CLIP1: variants seen among roughly 807,000 people sequenced by gnomAD.
CLIP1 encodes CAP-Gly domain containing linker protein 1.
CLIP1 carries 66 observed loss-of-function variants against 161.6 expected under a neutral mutation model. That is an observed-to-expected ratio of 0.41 (90% CI 0.33 to 0.50). The LOEUF (loss-of-function observed/expected upper bound fraction) is 0.50. Among genes scored for constraint, CLIP1 ranks in the 20% least tolerant of loss-of-function variants. The pLI is 0.27. For synonymous variants in CLIP1, 598 were observed against 626.2 expected, an observed-to-expected ratio of 0.96 and a Z score of 0.67; for missense variants, 1,376 against 1,702.0, an observed-to-expected ratio of 0.81 and a Z score of 3.37.
chr12:122,370,238 G>C (rs546965730), intron 3 of CLIP1, among the ~76,000 whole-genome samples: 2 of 152,020 alleles, frequency 1.3e-5, no homozygotes, highest in East Asian at 1.9e-4. Context: ...AGTGAGAAAG[G>C]GGTGTGAGAA....
intron 9 of CLIP1, among the ~76,000 whole-genome samples, chr12:122,350,726 A>G (rs1455309574): frequency 2.0e-5 from 3 of 148,210 alleles, no homozygotes; most frequent in Admixed American, 6.9e-5. Context: ...AATTCCCACA[A>G]CTCCACATCT....
intron 14 of CLIP1, 80 bp from the exon 15 acceptor site, chr12:122,333,223 A>T: frequency 9.7e-7 from 1 of 1,026,698 alleles, no homozygotes; most frequent in Non-Finnish European, 1.4e-6. Context: ...TGCTCTGGTA[A>T]TATTTTCACA....
intron 12 of CLIP1, among the ~76,000 whole-genome samples, chr12:122,336,202 A>G (rs1394810385): frequency 1.3e-5 from 2 of 152,210 alleles, no homozygotes; most frequent in African/African-American, 4.8e-5. Context: ...GACAGCAAGC[A>G]TCCTGCCTCG....
At chr12:122,289,462 A>T (rs532124025) in intron 20 of CLIP1, among the ~76,000 whole-genome samples, 12 of 152,208 alleles carry the variant, frequency 7.9e-5, no homozygotes, top group South Asian at 4.2e-4. Context: ...TCCACTGCTA[A>T]CATTCTAGTT....
At chr12:122,367,187 T>G (rs947936014) in intron 3 of CLIP1, among the ~76,000 whole-genome samples, 2 of 152,178 alleles carry the variant, frequency 1.3e-5, no homozygotes, top group Non-Finnish European at 2.9e-5. Context: ...ACTACAAGCT[T>G]CATTCAGATC....
chr12:122,314,115 AC>A (rs1359183980), intron 19 of CLIP1, among the ~76,000 whole-genome samples: 3 of 151,988 alleles, frequency 2.0e-5, no homozygotes, highest in Non-Finnish European at 4.4e-5. Flanking sequence ...ATATGGTGAA[AC>A]CCTGTTTCTA....
chr12:122,374,298 C>T lies in CLIP1; in HGVS notation c.657+3091G>A, dbSNP rs1383679226. Among the ~76,000 whole-genome samples the T allele has an allele frequency of 4.2e-5, 6 of 142,720 alleles. No individual in the cohort carries two copies. The East Asian group carries it at 1.1e-3, about 26-fold the overall frequency. 93.6% of individuals were successfully genotyped at this position (142,720 alleles called of 152,430 possible). Reference sequence around the variant, plus strand: ...CATCCTGGCTAACACAGTGAAACCCCGTCTCTACTAAAAATACAAAAAAAA... The same window carrying T: ...CATCCTGGCTAACACAGTGAAACCCTGTCTCTACTAAAAATACAAAAAAAA... On this transcript the variant is annotated intron_variant, in intron 3 of 25. Coordinates refer to ENST00000620786, the MANE Select transcript of CLIP1 (RefSeq NM_001247997.2).
intron 1 of CLIP1, among the ~76,000 whole-genome samples, chr12:122,384,234 T>G (rs1955136037): frequency 6.6e-6 from 1 of 152,148 alleles, no homozygotes; most frequent in African/African-American, 2.4e-5. Flanking sequence ...TTTCACTAAA[T>G]TTAATATTAA....
Position 122,279,051 on chromosome 12 carries a change from C to T in CLIP1, c.3742G>A (p.Glu1248Lys), listed in dbSNP as rs368279544. 10 of 1,612,478 alleles carry T rather than the reference C, an allele frequency of 6.2e-6. No homozygotes were observed. The highest frequency in any genetic ancestry group is 7.6e-6 in the Non-Finnish European group (9 of 1,179,622). Reference protein sequence around the residue: ...TSALLTEKDAELEKLRNEVTV... With the variant: ...TSALLTEKDAKLEKLRNEVTV... Reference sequence around the variant, plus strand: ...ACCTCATTTCTCAGTTTCTCCAGCTCGGCATCCTTTTCTGTGAGTAAGGCA... The same window carrying T: ...ACCTCATTTCTCAGTTTCTCCAGCTTGGCATCCTTTTCTGTGAGTAAGGCA... The change falls in exon 22 of 26, where the codon GAG becomes AAG. Residue 1248 changes from glutamate to lysine, a missense_variant. Physicochemically the swap from Glu to Lys is moderately conservative, Grantham distance 56. This residue lies in a region of CLIP1 where 948 missense variants were observed against 1,134.8 expected (regional missense o/e 0.84). Coordinates refer to ENST00000620786, the MANE Select transcript of CLIP1 (RefSeq NM_001247997.2). This position sits in a 1 kb window ranked among gnomAD's most constrained non-coding sequence, Gnocchi z 4.5.
intron 21 of CLIP1, among the ~76,000 whole-genome samples, chr12:122,288,253 C>T (rs1297310734): frequency 6.6e-6 from 1 of 151,904 alleles, no homozygotes; most frequent in African/African-American, 2.4e-5. Flanking sequence ...AGGCTGGTGT[C>T]GAACTCGTGA....
At position 122,278,908 on chromosome 12, in the gene CLIP1, T is replaced by C. The variant is rs372003670; in HGVS notation, c.3800A>G (p.Lys1267Arg). ...AGTCTGAACAACTGAATGCAAGGAC[T>C]TGGCAGAGGCGTTTTCTCCCCTGAG... ...TVLRGENASA[K>R]SLHSVVQTLE... Residue 1267 changes from lysine (K) to arginine (R), a missense_variant, in exon 23 of 26, where the codon AAG (lysine) becomes AGG (arginine). Lys to Arg is a conservative substitution (Grantham distance 26, BLOSUM62 2). This residue lies in a region of CLIP1 where 948 missense variants were observed against 1,134.8 expected (regional missense o/e 0.84). Coordinates refer to ENST00000620786, the MANE Select transcript of CLIP1 (RefSeq NM_001247997.2). 1.2e-5 allele frequency: 20 copies of C among 1,612,500 alleles called. No individual in the cohort carries two copies. The highest frequency in any genetic ancestry group is 1.7e-5 in the Non-Finnish European group (20 of 1,179,658).
chr12:122,276,439 C>T (rs1406759316), intron 24 of CLIP1: 1 of 1,281,610 alleles, frequency 7.8e-7, no homozygotes, highest in Admixed American at 2.3e-5. Flanking sequence ...TGAAACGAAC[C>T]ATTTGCTGAT....
rs552319648 is a variant in CLIP1, at chr12:122,297,257, C to T, written c.3595-8716G>A. ...AGCTACGCTAAGAAAAATAGTAGCT[C>T]GGGTGAAATGAAGGACATTAGAAGT... On this transcript the variant is annotated intron_variant, in intron 20 of 25. Coordinates refer to ENST00000620786, the MANE Select transcript of CLIP1 (RefSeq NM_001247997.2). Among the ~76,000 whole-genome samples, 10 of 152,158 alleles carry T rather than the reference C, an allele frequency of 6.6e-5. No homozygotes were observed. In the East Asian group the frequency reaches 7.7e-4, roughly 12 times the overall value.
At chr12:122,391,116 C>T (rs1186926397) in intron 1 of CLIP1, among the ~76,000 whole-genome samples, 1 of 152,064 alleles carries the variant, frequency 6.6e-6, no homozygotes, top group African/African-American at 2.4e-5. Flanking sequence ...AGCGAAACCC[C>T]GTCTCTACTA....
chr12:122,372,392 G>A (rs540645958), intron 3 of CLIP1, among the ~76,000 whole-genome samples: 2 of 151,572 alleles, frequency 1.3e-5, no homozygotes, highest in African/African-American at 2.4e-5. Context: ...TCCAGCCTGG[G>A]CGACAAGAGT....
chr12:122,412,120 G>A lies in CLIP1; in HGVS notation c.-107+10401C>T, dbSNP rs549768632. 5.8e-5 allele frequency among the ~76,000 whole-genome samples: 8 copies of A among 138,164 alleles called. No homozygotes were observed. In the Admixed American group the frequency reaches 6.1e-4, roughly 10 times the overall value. 90.6% of individuals were successfully genotyped at this position (138,164 alleles called of 152,430 possible). On this transcript the variant is annotated intron_variant, in intron 1 of 25. Transcript: ENST00000620786. Reference sequence around the variant, plus strand: ...CTCTCACTCTGACACCCAAGCTGGAGTGCAATGGCACAATCATGGCTTACT... The same window carrying A: ...CTCTCACTCTGACACCCAAGCTGGAATGCAATGGCACAATCATGGCTTACT...
intron 3 of CLIP1, among the ~76,000 whole-genome samples, chr12:122,374,783 T>C (rs1458871832): frequency 6.6e-6 from 1 of 151,962 alleles, no homozygotes; most frequent in Admixed American, 6.6e-5. Flanking sequence ...AAAAAGAGTG[T>C]TGAGAACAAG....
In CLIP1 at chr12:122,288,377, C is replaced by T. The variant is rs555093390; in HGVS notation, c.3647+112G>A. 1.0e-5 allele frequency: 9 copies of T among 903,822 alleles called. No homozygotes were observed. In the South Asian group the frequency reaches 1.5e-4, roughly 15 times the overall value. 56.0% of individuals were successfully genotyped at this position (903,822 alleles called of 1,614,324 possible). Reference sequence around the variant, plus strand: ...TTACAAGTACCAAACTATCACAATGCCATTTTCTGAATCTAAGAAGGTCAC... The same window carrying T: ...TTACAAGTACCAAACTATCACAATGTCATTTTCTGAATCTAAGAAGGTCAC... On this transcript the variant is annotated intron_variant, in intron 21 of 25. Transcript: ENST00000620786.
intron 3 of CLIP1, among the ~76,000 whole-genome samples, chr12:122,371,375 C>A (rs537102028): frequency 1.3e-5 from 2 of 152,214 alleles, no homozygotes; most frequent in African/African-American, 4.8e-5. Flanking sequence ...AAATTTGGCA[C>A]CTTTGGGGTT....
Sources: gnomAD v4.1 joint callset for allele counts (sites outside exome capture counted in the v4.1 genomes callset) on GRCh38, gnomAD v4.1.1 for gene constraint, gnomAD v4.1.1 regional missense constraint, Gnocchi (gnomAD v3.1) non-coding constraint, MANE v1.5 for transcripts, NCBI Gene and HGNC (gene_info 2026-07-23, HGNC 2026-07-21) for gene names.